ERICH1: variants seen among roughly 807,000 people sequenced by gnomAD.
ERICH1 encodes glutamate-rich protein 1.
Under a neutral mutation model 39.6 loss-of-function variants are expected in ERICH1, and 56 were observed. That is an observed-to-expected ratio of 1.41 (90% confidence interval 1.14 to 1.77). ERICH1 has a LOEUF of 1.77. Ranked by LOEUF, ERICH1 falls within the 40% of genes most tolerant of loss-of-function variation. ERICH1 has a pLI of 0.00. For missense variants in ERICH1, 826 were observed against 575.4 expected, an observed-to-expected ratio of 1.44 and a Z score of -4.45; for synonymous variants, 313 against 223.6, an observed-to-expected ratio of 1.40 and a Z score of -3.57.
At chr8:700,313 G>T (rs200931691) in intron 2 of ERICH1, among the ~76,000 whole-genome samples, 1 of 86,110 alleles carries the variant, frequency 1.2e-5, no homozygotes, top group African/African-American at 3.9e-5. Context: ...GCACAGACCC[G>T]CACACGCGCA....
At chr8:721,557 G>C (rs1817316643) in intron 1 of ERICH1, among the ~76,000 whole-genome samples, 1 of 152,218 alleles carries the variant, frequency 6.6e-6, no homozygotes, top group Admixed American at 6.5e-5. Context: ...TATTTACACA[G>C]AAATAATCAG....
chr8:684,311 A>G (rs776128616), intron 3 of ERICH1, among the ~76,000 whole-genome samples: 1 of 152,240 alleles, frequency 6.6e-6, no homozygotes, highest in Non-Finnish European at 1.5e-5. Flanking sequence ...TAATTAAAAC[A>G]GTACAAATGA....
chr8:650,271 G>T (rs567305435), intron 3 of ERICH1, among the ~76,000 whole-genome samples: 2 of 152,278 alleles, frequency 1.3e-5, no homozygotes, highest in South Asian at 4.1e-4. Context: ...TGTCCCCGGG[G>T]TCTGACTCCG....
intron 3 of ERICH1, among the ~76,000 whole-genome samples, chr8:630,775 C>T (rs867123172): frequency 1.5e-5 from 2 of 129,888 alleles, no homozygotes; most frequent in South Asian, 2.8e-4. Flanking sequence ...AGCACCCACA[C>T]GGACAGAGCT....
chr8:717,639 C>A (rs116244443), intron 1 of ERICH1, among the ~76,000 whole-genome samples: 296 of 152,328 alleles, frequency 1.9e-3, no homozygotes, highest in African/African-American at 5.8e-3. Flanking sequence ...AAAACAAATT[C>A]TAAGACAAAA....
intron 3 of ERICH1, among the ~76,000 whole-genome samples, chr8:639,834 A>G (rs1225059159): frequency 8.0e-6 from 1 of 125,468 alleles, no homozygotes; most frequent in African/African-American, 3.1e-5. Context: ...CAGTGAGCAG[A>G]CACACCAAGC....
chr8:661,148 C>A (rs1801373134), downstream of ERICH1, among the ~76,000 whole-genome samples: 1 of 152,170 alleles, frequency 6.6e-6, no homozygotes, highest in Non-Finnish European at 1.5e-5. Flanking sequence ...CAGATGCATG[C>A]ACATTTCTTA....
At chr8:716,970 G>T (rs567513229) in intron 1 of ERICH1, among the ~76,000 whole-genome samples, 1 of 152,156 alleles carries the variant, frequency 6.6e-6, no homozygotes, top group Non-Finnish European at 1.5e-5. Flanking sequence ...TACAGGCCCC[G>T]CTGTTAAGAA....
intron 2 of ERICH1, among the ~76,000 whole-genome samples, chr8:697,955 G>C (rs1428968183): frequency 6.6e-6 from 1 of 151,950 alleles, no homozygotes; most frequent in Non-Finnish European, 1.5e-5. Flanking sequence ...GGCTGCAAGG[G>C]ACACAAATCC....
rs1563171265 is a variant in ERICH1 at position 634,178 on chromosome 8, A to AACAAAAAAC, written c.977-18895_977-18894insGTTTTTTGT. Among the ~76,000 whole-genome samples, 282 of 140,584 alleles carry AACAAAAAAC rather than the reference A, an allele frequency of 2.0e-3. 3 individuals carry two copies. The highest frequency in any genetic ancestry group is 6.6e-3 in the African/African-American group (243 of 36,776). The allele number at this position is 140,584 out of a possible 152,430, so 92.2% of individuals were successfully genotyped here. On this transcript the variant is annotated intron_variant, in intron 3 of 3. Transcript: ENST00000522706. ...AGAACTCCTAAAACTCAAAAAAAAA[A>AACAAAAAAC]AAAAAAAACAAACAAAAAAAACCCT...
intron 1 of ERICH1, among the ~76,000 whole-genome samples, chr8:725,022 C>T (rs922619327): frequency 1.3e-5 from 2 of 152,214 alleles, no homozygotes; most frequent in Admixed American, 6.5e-5. Flanking sequence ...CACACCCTGA[C>T]GCAGTGATGC....
intron 2 of ERICH1, among the ~76,000 whole-genome samples, chr8:698,758 G>C (rs748027869): frequency 3.9e-5 from 6 of 152,116 alleles, no homozygotes; most frequent in Admixed American, 6.5e-5. Flanking sequence ...GATTACAGGC[G>C]TGAGTCACTG....
intron 3 of ERICH1, among the ~76,000 whole-genome samples, chr8:680,808 A>G (rs78461807): frequency 6.6e-6 from 1 of 152,172 alleles, no homozygotes; most frequent in East Asian, 1.9e-4. Context: ...TGTGTGAGAG[A>G]GCCCAGATCG....
At chr8:704,663 A>G (rs75475163) in intron 2 of ERICH1, among the ~76,000 whole-genome samples, 2 of 152,184 alleles carry the variant, frequency 1.3e-5, no homozygotes, top group Non-Finnish European at 2.9e-5. Context: ...GTTGTAAAAA[A>G]TGTGCATCCA....
At chr8:663,619 G>A (rs1261721055), downstream of ERICH1, among the ~76,000 whole-genome samples, 1 of 152,112 alleles carries the variant, frequency 6.6e-6, no homozygotes, top group Non-Finnish European at 1.5e-5. Flanking sequence ...GAGTGTGGTG[G>A]CCCCAGCAAA....
At chr8:688,580 G>GA (rs1229722245) in intron 3 of ERICH1, among the ~76,000 whole-genome samples, 1 of 152,126 alleles carries the variant, frequency 6.6e-6, no homozygotes, top group Non-Finnish European at 1.5e-5. Context: ...TTGATTCAGT[G>GA]AATTACTTGG....
intron 3 of ERICH1, chr8:691,061 C>T (rs1478472494): frequency 6.6e-6 from 1 of 152,338 alleles, no homozygotes; most frequent in Non-Finnish European, 1.5e-5. Flanking sequence ...TCTGCAGCTG[C>T]AAGGCTGTGC....
At position 618,847 on chromosome 8, in the gene ERICH1, T is replaced by C. The variant is rs145223468; in HGVS notation, c.977-3563A>G. Among the ~76,000 whole-genome samples, 27 of 151,906 alleles carry C rather than the reference T, an allele frequency of 1.8e-4. No homozygotes were observed. The East Asian group carries it at 5.1e-3, about 28-fold the overall frequency. On this transcript the variant is annotated intron_variant, in intron 3 of 3. Transcript: ENST00000522706. The stretch of plus-strand genomic sequence containing the variant: ...CCCAAACGCCTGACCGAGTTGGAGA[T>C]CAGTGGTGGAAATTTCAAAGGTAGA...
downstream of ERICH1, among the ~76,000 whole-genome samples, chr8:664,022 G>C (rs1371528189): frequency 6.6e-6 from 1 of 152,206 alleles, no homozygotes; most frequent in Non-Finnish European, 1.5e-5. Context: ...GTCTCCCAAA[G>C]TGCCAGGATT....
Sources: gnomAD v4.1 joint callset for allele counts (sites outside exome capture counted in the v4.1 genomes callset) on GRCh38, gnomAD v4.1.1 for gene constraint, MANE v1.5 for transcripts, NCBI Gene and HGNC (gene_info 2026-07-23, HGNC 2026-07-21) for gene names.